WDR33: variants seen among roughly 807,000 people sequenced by gnomAD.
WDR33 encodes pre-mRNA 3' end processing protein WDR33.
A neutral mutation model predicts 164.9 loss-of-function variants in WDR33; 47 were observed. The observed-to-expected ratio is 0.29, with a 90% CI of 0.23 to 0.36. WDR33 has a LOEUF of 0.36. WDR33 is among the 10% of genes least tolerant of loss of function. WDR33 has a pLI of 1.00. For synonymous variants in WDR33, 505 were observed against 589.0 expected (o/e 0.86, Z 2.06); for missense variants, 1,137 against 1,754.1 (o/e 0.65, Z 6.28).
chr2:127,775,501 A>T, intron 1 of WDR33, among the ~76,000 whole-genome samples: 1 of 152,178 alleles, frequency 6.6e-6, no homozygotes, highest in East Asian at 1.9e-4. Flanking sequence ...CTGCAAAAAA[A>T]TTTTTAAGGG....
intron 17 of WDR33, among the ~76,000 whole-genome samples, chr2:127,715,443 T>A (rs988069038): frequency 6.6e-6 from 1 of 152,156 alleles, no homozygotes. Flanking sequence ...TACCATGCAA[T>A]ATATATAAAA....
intron 1 of WDR33, among the ~76,000 whole-genome samples, chr2:127,780,175 G>T (rs556006684): frequency 6.6e-6 from 1 of 151,964 alleles, no homozygotes; most frequent in African/African-American, 2.4e-5. Flanking sequence ...GGGTTTCACC[G>T]TGTTAGCCAG....
At chr2:127,751,649 C>T (rs1687367422) in intron 7 of WDR33, among the ~76,000 whole-genome samples, 1 of 152,122 alleles carries the variant, frequency 6.6e-6, no homozygotes, top group Non-Finnish European at 1.5e-5. Context: ...TCTGATTTAA[C>T]TATTGCAAAA....
rs564494896 is a variant in WDR33, at chr2:127,719,608, G to A, written c.2417C>T (p.Pro806Leu). The A allele has an allele frequency of 7.4e-5, 119 of 1,613,848 alleles. 4 individuals carry two copies. In the South Asian group the frequency reaches 1.1e-3, roughly 15 times the overall value. The change falls in exon 16 of 22, where the codon CCG becomes CTG. Residue 806 changes from proline (P) to leucine (L), a missense_variant. By Grantham distance (98) the Pro-to-Leu change is moderately conservative. Transcript: ENST00000322313. This position sits in a 1 kb window ranked among gnomAD's most constrained non-coding sequence, Gnocchi z 6.5. ...PAPQGMIMGH[P>L]PQEMRGPHPP... ...GTGAGGTCCTCTCATCTCTTGAGGC[G>A]GGTGGCCCATAATCATCCCTTGGGG...
intron 1 of WDR33, among the ~76,000 whole-genome samples, chr2:127,780,980 C>T (rs893570351): frequency 2.6e-5 from 4 of 152,176 alleles, no homozygotes; most frequent in Admixed American, 2.6e-4. Flanking sequence ...CCCACCTCAG[C>T]CTCCCAAGTA....
At chr2:127,804,872 A>C (rs1432089082) in intron 1 of WDR33, among the ~76,000 whole-genome samples, 1 of 152,188 alleles carries the variant, frequency 6.6e-6, no homozygotes, top group African/African-American at 2.4e-5. Flanking sequence ...TTATCACCCC[A>C]CAGATCAAGT....
At chr2:127,760,366 A>G (rs1437315082) in intron 7 of WDR33, among the ~76,000 whole-genome samples, 1 of 152,258 alleles carries the variant, frequency 6.6e-6, no homozygotes. Context: ...TATGCGTGTT[A>G]CATGAACATC....
At chr2:127,751,265 G>A (rs1037458141) in intron 7 of WDR33, among the ~76,000 whole-genome samples, 10 of 151,880 alleles carry the variant, frequency 6.6e-5, no homozygotes, top group Admixed American at 2.6e-4. Flanking sequence ...GGAGGCTGAC[G>A]TGGGAGGATC....
intron 1 of WDR33, among the ~76,000 whole-genome samples, chr2:127,774,636 C>T (rs1057069003): frequency 3.9e-5 from 6 of 151,958 alleles, no homozygotes; most frequent in Admixed American, 2.6e-4. Context: ...GAGACCATCC[C>T]GGCTAACATG....
In WDR33 at chr2:127,741,537, G is replaced by A. The variant is rs1276093246; in HGVS notation, c.725-14760C>T. Among the ~76,000 whole-genome samples the A allele has an allele frequency of 1.3e-5, 2 of 152,162 alleles. No homozygotes were observed. Among genetic ancestry groups the A allele is most frequent in the Non-Finnish European group, 2.9e-5 (2 of 68,026 alleles). ...ACACACACAGACACACGAATCCACA[G>A]TGAGATCTTCCATCCAGGAGAGGAC... On this transcript the variant is annotated intron_variant, in intron 7 of 21. Transcript: ENST00000322313. The surrounding 1 kb of genome is among the most constrained non-coding windows in gnomAD (Gnocchi z 4.1).
At chr2:127,789,770 A>G (rs1236281354) in intron 1 of WDR33, among the ~76,000 whole-genome samples, 1 of 152,002 alleles carries the variant, frequency 6.6e-6, no homozygotes, top group African/African-American at 2.4e-5. Context: ...AGTATGACAT[A>G]ACTACAGATT....
chr2:127,768,919 C>T lies in WDR33; in HGVS notation c.273+14G>A. The T allele has an allele frequency of 6.3e-7, 1 of 1,588,366 alleles. No homozygotes were observed. The highest frequency in any genetic ancestry group is 8.6e-7 in the Non-Finnish European group (1 of 1,164,800). On this transcript the variant is annotated intron_variant, in intron 3 of 21. Coordinates refer to ENST00000322313, the MANE Select transcript of WDR33 (RefSeq NM_018383.5). ...AAGTGTTTATTAAGCTAGTATGACA[C>T]ATCATGTACTTACATCATTGTAATA...
Position 127,716,515 on chromosome 2 carries a change from C to G in WDR33, c.2869+640G>C, listed in dbSNP as rs1553471585. ...CAACAGCGTGCTGCTCACCACGCTC[C>G]TGCTCCAACTCTGCAAGACAGGGGG... is the stretch of plus-strand genomic sequence containing the variant. On this transcript the variant is annotated intron_variant, in intron 17 of 21. Coordinates refer to ENST00000322313, the MANE Select transcript of WDR33 (RefSeq NM_018383.5). The surrounding 1 kb of genome is among the most constrained non-coding windows in gnomAD (Gnocchi z 4.5). Among the ~76,000 whole-genome samples the G allele has an allele frequency of 6.6e-6, 1 of 152,216 alleles. No homozygotes were observed. The highest frequency in any genetic ancestry group is 1.5e-5 in the Non-Finnish European group (1 of 68,038).
chr2:127,702,249 G>T lies in WDR33; in HGVS notation c.*4074C>A. The T allele has an allele frequency of 3.4e-6, 4 of 1,166,740 alleles. No individual in the cohort carries two copies. Among genetic ancestry groups the T allele is most frequent in the Non-Finnish European group, 4.3e-6 (4 of 935,422 alleles). 72.3% of individuals were successfully genotyped at this position (1,166,740 alleles called of 1,614,324 possible). On this transcript the variant is annotated 3_prime_UTR_variant, in exon 22 of 22. Transcript: ENST00000322313. ...CGGAGACCGCGCCGGCCGAGCTGAG[G>T]ACTGCACGCCGCTGTGCGGAAGCCC...
intron 7 of WDR33, among the ~76,000 whole-genome samples, chr2:127,753,087 C>A (rs1687420358): frequency 6.6e-6 from 1 of 151,524 alleles, no homozygotes; most frequent in Non-Finnish European, 1.5e-5. Context: ...CCACCACGCC[C>A]AGCTAATTTT....
At position 127,770,238 on chromosome 2, in the gene WDR33, A is replaced by C. The variant is rs188395687; in HGVS notation, c.204+540T>G. The stretch of plus-strand genomic sequence containing the variant: ...ATTTCTAAAATGGAGTCTAACTTTA[A>C]TAATTTTTTAGAAGATGATACAGGC... On this transcript the variant is annotated intron_variant, in intron 2 of 21. Coordinates refer to ENST00000322313, the MANE Select transcript of WDR33 (RefSeq NM_018383.5). This position sits in a 1 kb window ranked among gnomAD's most constrained non-coding sequence, Gnocchi z 4.9. Among the ~76,000 whole-genome samples the C allele has an allele frequency of 2.9e-3, 435 of 152,344 alleles. 1 individual carries two copies. Among genetic ancestry groups the C allele is most frequent in the Non-Finnish European group, 5.1e-3 (347 of 68,024 alleles).
In WDR33 at chr2:127,738,085, TAAATA is replaced by T; in HGVS notation, c.725-11313_725-11309del. 6.2e-7 allele frequency: 1 copy of T among 1,603,704 alleles called. No individual in the cohort carries two copies. The highest frequency in any genetic ancestry group is 8.5e-7 in the Non-Finnish European group (1 of 1,175,080). ...AAAACAAGAAGGGTGCATGAACTCT[TAAATA>T]CTGTGCAGGCAGGTATCTATCACAT... On this transcript the variant is annotated intron_variant, in intron 7 of 21. Coordinates refer to ENST00000322313, the MANE Select transcript of WDR33 (RefSeq NM_018383.5). The surrounding 1 kb of genome is among the most constrained non-coding windows in gnomAD (Gnocchi z 4.4).
rs966718846 is a variant in WDR33, at chr2:127,710,317, C to G, written c.3309-461G>C. ...CTGCCTCACAAATACTTATCATTAT[C>G]ATCTACATTTGTATGATGAACATTT... On this transcript the variant is annotated intron_variant, in intron 18 of 21. Coordinates refer to ENST00000322313, the MANE Select transcript of WDR33 (RefSeq NM_018383.5). The surrounding 1 kb of genome is among the most constrained non-coding windows in gnomAD (Gnocchi z 4.4). Among the ~76,000 whole-genome samples, 20 of 152,210 alleles carry G rather than the reference C, an allele frequency of 1.3e-4. No homozygotes were observed. The highest frequency in any genetic ancestry group is 2.9e-4 in the Non-Finnish European group (20 of 68,050).
chr2:127,737,062 G>A (rs1686866096), intron 7 of WDR33: 2 of 985,264 alleles, frequency 2.0e-6, no homozygotes, highest in Non-Finnish European at 2.4e-6. Flanking sequence ...CCAGAAAGAA[G>A]CAATTTTGCA....
Sources: gnomAD v4.1 joint callset for allele counts (sites outside exome capture counted in the v4.1 genomes callset) on GRCh38, gnomAD v4.1.1 for gene constraint, Gnocchi (gnomAD v3.1) non-coding constraint, MANE v1.5 for transcripts, NCBI Gene and HGNC (gene_info 2026-07-23, HGNC 2026-07-21) for gene names.